ESR1: variants seen among roughly 807,000 people sequenced by gnomAD.
ESR1 encodes estrogen receptor.
Under a neutral mutation model 52.7 loss-of-function variants are expected in ESR1, and 12 were observed. That is an observed-to-expected ratio of 0.23 (90% CI 0.15 to 0.37). The LOEUF is 0.37. ESR1 is among the 10% of genes least tolerant of loss of function. The probability of loss-of-function intolerance (pLI) is 1.00; values close to 1 mark genes in which losing one functional copy is unlikely to be tolerated. For missense variants in ESR1, 584 were observed against 779.7 expected (o/e 0.75, Z 2.99); for synonymous variants, 305 against 316.8 (o/e 0.96, Z 0.39).
chr6:152,070,295 GGC>G, intron 6 of ESR1, among the ~76,000 whole-genome samples: 1 of 137,302 alleles, frequency 7.3e-6, no homozygotes, highest in Middle Eastern at 3.5e-3. Context: ...TATTTGGAAA[GGC>G]CATAGGTGCC....
chr6:152,021,496 A>AAACAC (rs2043648017), intron 5 of ESR1, among the ~76,000 whole-genome samples: 2 of 152,214 alleles, frequency 1.3e-5, no homozygotes, highest in Non-Finnish European at 2.9e-5. Flanking sequence ...GAGATATAGA[A>AAACAC]AACACACTGT....
intron 6 of ESR1, among the ~76,000 whole-genome samples, chr6:152,123,823 G>C (rs1188646822): frequency 6.6e-6 from 1 of 152,190 alleles, no homozygotes; most frequent in Non-Finnish European, 1.5e-5. Context: ...GCGTGTGAAA[G>C]CTGTATTGGT....
chr6:151,688,184 C>T (rs1220005364), upstream of ESR1, among the ~76,000 whole-genome samples: 1 of 152,196 alleles, frequency 6.6e-6, no homozygotes, highest in East Asian at 1.9e-4. Flanking sequence ...GAACAATAAA[C>T]TTCAAAATGA....
intron 4 of ESR1, among the ~76,000 whole-genome samples, chr6:151,991,474 C>CT (rs1015307178): frequency 6.6e-6 from 1 of 151,890 alleles, no homozygotes; most frequent in African/African-American, 2.4e-5. Flanking sequence ...CCTCAAGGGG[C>CT]TCCAAATACG....
chr6:151,990,927 A>G (rs939702458), intron 4 of ESR1, among the ~76,000 whole-genome samples: 3 of 152,214 alleles, frequency 2.0e-5, no homozygotes, highest in Non-Finnish European at 4.4e-5. Flanking sequence ...AAACATGTAT[A>G]AATTTGTTTC....
chr6:151,903,802 G>T (rs532394950), intron 3 of ESR1, among the ~76,000 whole-genome samples: 1 of 152,280 alleles, frequency 6.6e-6, no homozygotes, highest in South Asian at 2.1e-4. Flanking sequence ...AATTGAATGG[G>T]ATATAGGATT....
At chr6:151,933,713 CAT>C (rs1327544313) in intron 3 of ESR1, among the ~76,000 whole-genome samples, 22 of 152,156 alleles carry the variant, frequency 1.4e-4, no homozygotes, top group African/African-American at 5.1e-4. Context: ...TTGAGATAAT[CAT>C]GTGGTTTTTG....
In ESR1 at chr6:152,055,423, A is replaced by G. The variant is rs80073237; in HGVS notation, c.1236-5568A>G. On this transcript the variant is annotated intron_variant, in intron 5 of 7. Transcript: ENST00000206249. ...CGGTGACTCCCTTGAGACTACTTGA[A>G]ATAATAAGTTTGGATGGCAAGGAAA... 2.7e-3 allele frequency among the ~76,000 whole-genome samples: 404 copies of G among 152,220 alleles called. 3 individuals are homozygous for G. Among genetic ancestry groups the G allele is most frequent in the African/African-American group, 9.2e-3 (383 of 41,538 alleles).
chr6:151,853,753 G>A (rs894636218), intron 2 of ESR1, among the ~76,000 whole-genome samples: 2 of 151,958 alleles, frequency 1.3e-5, no homozygotes, highest in African/African-American at 4.8e-5. Flanking sequence ...TTCATTTTTT[G>A]TTCATCTGAT....
chr6:151,813,365 G>A (rs1354718966), intron 1 of ESR1: 1 of 152,082 alleles, frequency 6.6e-6, no homozygotes, highest in Non-Finnish European at 1.5e-5. Context: ...GTGATGTGGT[G>A]GTGGTAATGA....
At chr6:152,084,769 A>G (rs1254919327) in intron 6 of ESR1, among the ~76,000 whole-genome samples, 3 of 152,004 alleles carry the variant, frequency 2.0e-5, no homozygotes, top group East Asian at 1.9e-4. Context: ...TACAAAGTCT[A>G]TTTCTCACAA....
chr6:151,804,095 C>T (rs199941413), upstream of ESR1, among the ~76,000 whole-genome samples: 1 of 151,650 alleles, frequency 6.6e-6, no homozygotes, highest in African/African-American at 2.4e-5. Flanking sequence ...GCTGGGAGCC[C>T]GAGTGAAGTT....
chr6:151,827,474 G>A (rs1562448870), intron 1 of ESR1, among the ~76,000 whole-genome samples: 1 of 152,082 alleles, frequency 6.6e-6, no homozygotes, highest in Non-Finnish European at 1.5e-5. Context: ...CCAATTAAAG[G>A]TTTGAAAGAG....
intron 5 of ESR1, among the ~76,000 whole-genome samples, chr6:152,015,181 TAA>T (rs1414176519): frequency 2.6e-5 from 4 of 152,188 alleles, no homozygotes; most frequent in South Asian, 2.1e-4. Context: ...TTGTCCAGGC[TAA>T]AAACACCTGG....
intron 2 of ESR1, among the ~76,000 whole-genome samples, chr6:151,727,558 A>G (rs1225713763): frequency 2.0e-5 from 3 of 152,206 alleles, no homozygotes; most frequent in Non-Finnish European, 4.4e-5. Flanking sequence ...CAACTTGATT[A>G]TAATATACTA....
In ESR1 at chr6:151,894,519, G is replaced by A. The variant is rs191912966; in HGVS notation, c.760+13748G>A. Among the ~76,000 whole-genome samples, 8 of 152,224 alleles carry A rather than the reference G, an allele frequency of 5.3e-5. No homozygotes were observed. The East Asian group carries it at 7.7e-4, about 15-fold the overall frequency. On this transcript the variant is annotated intron_variant, in intron 3 of 7. Transcript: ENST00000206249. ...TAACTTCTAGAATTTTATGGTTCCA[G>A]GTCTTAGATTTAAGTCCTTGATCCA... is the stretch of plus-strand genomic sequence containing the variant.
chr6:152,129,137 G>C (rs1383997599), exon 7 of ESR1: 1 of 152,248 alleles, frequency 6.6e-6, no homozygotes, highest in African/African-American at 2.4e-5. Context: ...GCATGAGGAA[G>C]CACTTGCTGC....
intron 4 of ESR1, among the ~76,000 whole-genome samples, chr6:151,999,351 T>C (rs1472748001): frequency 1.3e-5 from 2 of 152,162 alleles, no homozygotes; most frequent in African/African-American, 2.4e-5. Context: ...AGGATATTAA[T>C]GACTTCCTTT....
rs2050950854 is a variant in ESR1, at chr6:152,101,071, TTGTCA to T, written c.*2109_*2113del. On this transcript the variant is annotated 3_prime_UTR_variant, in exon 8 of 8. Transcript: ENST00000206249. ...TTTTTTGTATACTTTTCAAGCTACC[TTGTCA>T]TGTATACAGTCATTTATGCCTAAAG... is the stretch of plus-strand genomic sequence containing the variant. 1 of 223,354 alleles carries T rather than the reference TTGTCA, an allele frequency of 4.5e-6. No individual in the cohort carries two copies. The allele number at this position is 223,354 out of a possible 1,614,324, so 13.8% of individuals were successfully genotyped here.
Sources: allele counts gnomAD v4.1 joint callset (sites outside exome capture counted in the v4.1 genomes callset), GRCh38; gene constraint gnomAD v4.1.1; transcripts MANE v1.5; gene names NCBI Gene and HGNC (gene_info 2026-07-23, HGNC 2026-07-21).